SLC9A2: variants seen among roughly 807,000 people sequenced by gnomAD.
SLC9A2 encodes the protein solute carrier family 9 member A2.
SLC9A2 carries 42 observed loss-of-function variants against 71.7 expected under a neutral mutation model. The observed-to-expected ratio is 0.59, with a 90% CI of 0.46 to 0.76. The LOEUF (loss-of-function observed/expected upper bound fraction) is 0.76, where lower values mean the gene tolerates loss of function less well. Ranked by LOEUF, SLC9A2 falls within the 30% of genes least tolerant of loss-of-function variation. The probability of loss-of-function intolerance (pLI) is 0.00; values close to 1 mark genes in which losing one functional copy is unlikely to be tolerated. For missense variants in SLC9A2, 829 were observed against 1,017.4 expected, an observed-to-expected ratio of 0.81 and a Z score of 2.52; for synonymous variants, 396 against 392.5, an observed-to-expected ratio of 1.01 and a Z score of -0.10.
intron 7 of SLC9A2, among the ~76,000 whole-genome samples, chr2:102,695,940 C>T (rs1485821308): frequency 1.3e-5 from 2 of 151,096 alleles, no homozygotes; most frequent in East Asian, 3.9e-4. Flanking sequence ...CAATTCAATA[C>T]TGGTCTTCAA....
intron 1 of SLC9A2, among the ~76,000 whole-genome samples, chr2:102,651,902 A>G (rs1221295591): frequency 6.6e-6 from 1 of 151,820 alleles, no homozygotes; most frequent in Non-Finnish European, 1.5e-5. Context: ...GAATTTTCTA[A>G]TATTATGTGC....
intron 5 of SLC9A2, among the ~76,000 whole-genome samples, chr2:102,690,433 C>T (rs1342139688): frequency 6.6e-6 from 1 of 152,098 alleles, no homozygotes; most frequent in Non-Finnish European, 1.5e-5. Flanking sequence ...GGGCAACTCT[C>T]TTAGGTTTCT....
chr2:102,673,061 T>C (rs1423442102), intron 3 of SLC9A2, among the ~76,000 whole-genome samples: 2 of 152,124 alleles, frequency 1.3e-5, no homozygotes, highest in Non-Finnish European at 2.9e-5. Context: ...TCATCCTAAG[T>C]AGGATTATGT....
In SLC9A2 at chr2:102,704,834, A is replaced by G. The variant is rs571325906; in HGVS notation, c.1977+159A>G. Among the ~76,000 whole-genome samples the G allele has an allele frequency of 9.1e-4, 138 of 152,286 alleles. 1 individual carries two copies. Among genetic ancestry groups the G allele is most frequent in the Non-Finnish European group, 1.5e-3 (103 of 68,022 alleles). ...GGGTGGCCGGGGGAAGTGAGTGTTC[A>G]CAGGTATTGTGGCCAGCATTGCCAC... On this transcript the variant is annotated intron_variant, in intron 10 of 11. Coordinates refer to ENST00000233969, the MANE Select transcript of SLC9A2 (RefSeq NM_003048.6).
intron 3 of SLC9A2, 62 bp from the exon 4 acceptor site, chr2:102,683,199 T>TCTCTTGCA (rs1261172699): frequency 1.7e-5 from 20 of 1,165,622 alleles, no homozygotes; most frequent in Non-Finnish European, 2.6e-5. Flanking sequence ...TTAAGTGCTA[T>TCTCTTGCA]CTCTTGCATT....
At chr2:102,620,283 G>A (rs1000831706) in intron 1 of SLC9A2, 146 bp downstream of exon 1, 1 of 651,898 alleles carries the variant, frequency 1.5e-6, no homozygotes, top group Non-Finnish European at 2.5e-6. Flanking sequence ...GCTTCTTCTG[G>A]TTGAAAAGGA....
At chr2:102,696,426 AC>A (rs1407717536) in intron 7 of SLC9A2, among the ~76,000 whole-genome samples, 1 of 152,178 alleles carries the variant, frequency 6.6e-6, no homozygotes, top group Non-Finnish European at 1.5e-5. Flanking sequence ...AAATTGACCA[AC>A]CTACCAATGT....
At chr2:102,658,913 C>T (rs534317704) in intron 2 of SLC9A2, among the ~76,000 whole-genome samples, 9 of 152,122 alleles carry the variant, frequency 5.9e-5, no homozygotes, top group Admixed American at 2.0e-4. Flanking sequence ...AGCCACAGCT[C>T]GGTAGTAGTA....
chr2:102,645,856 G>C (rs1429341196), intron 1 of SLC9A2, among the ~76,000 whole-genome samples: 1 of 152,152 alleles, frequency 6.6e-6, no homozygotes, highest in East Asian at 1.9e-4. Context: ...CAGGGAGAAT[G>C]TAATCAAGGT....
chr2:102,669,818 T>C (rs1677210857), intron 3 of SLC9A2, among the ~76,000 whole-genome samples: 1 of 152,066 alleles, frequency 6.6e-6, no homozygotes, highest in South Asian at 2.1e-4. Context: ...TAAGCCAAAG[T>C]TTGTTATCCA....
Position 102,708,118 on chromosome 2 carries a change from GATGGCA to G in SLC9A2, c.2071_2076del (p.Gly691_Asn692del). 1 of 1,608,802 alleles carries G rather than the reference GATGGCA, an allele frequency of 6.2e-7. No homozygotes were observed. The highest frequency in any genetic ancestry group is 8.5e-7 in the Non-Finnish European group (1 of 1,177,602). ...CCACCTTGTCTTTTGCTCCGTGATA[GATGGCA>G]ATAGCAGCGACTCAGACGCAGATGC... On this transcript the variant is annotated inframe_deletion and splice_region_variant, in exon 12 of 12. Transcript: ENST00000233969.
In SLC9A2 at chr2:102,709,962, A is replaced by G. The variant is rs1046890410; in HGVS notation, c.*1473A>G. ...ATTATCAGGAGGAGAACATGAAAAT[A>G]TTAAGACAAAAATCCTCAGCAGTTG... On this transcript the variant is annotated 3_prime_UTR_variant, in exon 12 of 12. Transcript: ENST00000233969. The G allele has an allele frequency of 6.6e-6, 1 of 152,574 alleles. No individual in the cohort carries two copies. Among genetic ancestry groups the G allele is most frequent in the African/African-American group, 2.4e-5 (1 of 41,466 alleles). The allele number at this position is 152,574 out of a possible 1,614,324, so 9.5% of individuals were successfully genotyped here.
At chr2:102,694,857 C>G (rs1677723726) in intron 6 of SLC9A2, among the ~76,000 whole-genome samples, 186 bp from the exon 7 acceptor site, 1 of 144,048 alleles carries the variant, frequency 6.9e-6, no homozygotes, top group South Asian at 2.4e-4. Flanking sequence ...TTACCTAATA[C>G]TGATGTGACA....
Position 102,620,143 on chromosome 2 carries a change from C to G in SLC9A2, c.289+6C>G. On this transcript the variant is annotated splice_donor_region_variant and intron_variant, in intron 1 of 11. Coordinates refer to ENST00000233969, the MANE Select transcript of SLC9A2 (RefSeq NM_003048.6). The stretch of plus-strand genomic sequence containing the variant: ...GGCCTCCCTGGCCAAGATTGGTGAG[C>G]GAACTGGACTTGTGGGGAATGGGAG... 3 of 1,593,336 alleles carry G rather than the reference C, an allele frequency of 1.9e-6. No homozygotes were observed. Among genetic ancestry groups the G allele is most frequent in the Non-Finnish European group, 2.6e-6 (3 of 1,165,900 alleles).
At position 102,665,667 on chromosome 2, in the gene SLC9A2, G is replaced by A. The variant is rs573216052; in HGVS notation, c.1004+317G>A. On this transcript the variant is annotated intron_variant, in intron 3 of 11. Transcript: ENST00000233969. Reference sequence around the variant, plus strand: ...TGGGCCCCTGTAGTCCCAGCTACTCGGGAGGCTGAGGCAGGAGGATGGCAT... The same window carrying A: ...TGGGCCCCTGTAGTCCCAGCTACTCAGGAGGCTGAGGCAGGAGGATGGCAT... 1.9e-4 allele frequency among the ~76,000 whole-genome samples: 28 copies of A among 150,502 alleles called. No individual in the cohort carries two copies. In the East Asian group the frequency reaches 5.6e-3, roughly 30 times the overall value.
At position 102,701,199 on chromosome 2, in the gene SLC9A2, G is replaced by T. The variant is rs749456338; in HGVS notation, c.1716G>T (p.Met572Ile). 6.2e-7 allele frequency: 1 copy of T among 1,610,032 alleles called. No individual in the cohort carries two copies. Among genetic ancestry groups the T allele is most frequent in the African/African-American group, 1.3e-5 (1 of 74,694 alleles). ...KHAIEMAETG[M>I]ISTVPTFASL... ...CCATTGAGATGGCAGAGACTGGGATGATAAGTACTGTCCCTACATTTGCAT... is the reference window on the plus strand; with the variant it reads ...CCATTGAGATGGCAGAGACTGGGATTATAAGTACTGTCCCTACATTTGCAT... The change falls in exon 8 of 12, where the codon ATG becomes ATT. Residue 572 changes from methionine (M) to isoleucine (I), a missense_variant. By Grantham distance (10) the Met-to-Ile change is conservative. Coordinates refer to ENST00000233969, the MANE Select transcript of SLC9A2 (RefSeq NM_003048.6).
At chr2:102,676,300 C>G (rs1269013518) in intron 3 of SLC9A2, among the ~76,000 whole-genome samples, 1 of 152,186 alleles carries the variant, frequency 6.6e-6, no homozygotes, top group Non-Finnish European at 1.5e-5. Context: ...CACTCCCCAG[C>G]TAGAATGGGG....
intron 3 of SLC9A2, among the ~76,000 whole-genome samples, chr2:102,680,639 A>T (rs538675694): frequency 4.6e-5 from 7 of 152,272 alleles, no homozygotes; most frequent in South Asian, 4.1e-4. Flanking sequence ...AGGAGAATGC[A>T]ACCTGAAAGG....
rs1462140613 is a variant in SLC9A2, at chr2:102,619,883, C to A, written c.35C>A (p.Ala12Glu). 3 of 1,562,150 alleles carry A rather than the reference C, an allele frequency of 1.9e-6. No individual in the cohort carries two copies. Among genetic ancestry groups the A allele is most frequent in the Non-Finnish European group, 2.6e-6 (3 of 1,152,144 alleles). The change falls in exon 1 of 12, where the codon GCG (alanine) becomes GAG (glutamate). Residue 12 changes from alanine to glutamate, a missense_variant. Transcript: ENST00000233969. The surrounding 1 kb of genome is among the most constrained non-coding windows in gnomAD (Gnocchi z 4.3). ...EPLGNWRSLR[A>E]PLPPMLLLLL... ...CTGGGCAACTGGAGGAGCCTGCGGGCGCCACTGCCTCCGATGCTGTTGCTG... is the reference window on the plus strand; with the variant it reads ...CTGGGCAACTGGAGGAGCCTGCGGGAGCCACTGCCTCCGATGCTGTTGCTG...
Sources: allele counts gnomAD v4.1 joint callset (sites outside exome capture counted in the v4.1 genomes callset), GRCh38; gene constraint gnomAD v4.1.1; non-coding constraint Gnocchi (gnomAD v3.1); transcripts MANE v1.5; gene names NCBI Gene and HGNC (gene_info 2026-07-23, HGNC 2026-07-21).